Variants in SYK observed in about 807,000 individuals in gnomAD.
The protein encoded by SYK is spleen associated tyrosine kinase.
SYK carries 16 observed loss-of-function variants against 77.8 expected under a neutral mutation model. That is an observed-to-expected ratio of 0.21 (90% CI 0.14 to 0.31). The LOEUF is 0.31. Ranked by LOEUF, SYK falls within the 10% of genes least tolerant of loss-of-function variation. The pLI, the probability that SYK is intolerant of heterozygous loss-of-function variation, is 1.00. For missense variants in SYK, 529 were observed against 814.4 expected (o/e 0.65, Z 4.26); for synonymous variants, 312 against 308.7 (o/e 1.01, Z -0.11).
chr9:90,873,217 C>T (rs867608678), intron 7 of SYK, among the ~76,000 whole-genome samples: 1 of 151,974 alleles, frequency 6.6e-6, no homozygotes, highest in Non-Finnish European at 1.5e-5. Flanking sequence ...GTGACTGTCA[C>T]GTTAAGCTTA....
In SYK at chr9:90,877,694, G is replaced by A; in HGVS notation, c.1305G>A (p.Met435Ile). 1 of 1,614,240 alleles carries A rather than the reference G, an allele frequency of 6.2e-7. No individual in the cohort carries two copies. Residue 435 changes from methionine to isoleucine, a missense_variant, in exon 10 of 14, where the codon ATG (methionine) becomes ATA (isoleucine). By Grantham distance (10) the Met-to-Ile change is conservative. This residue lies in a region of SYK where 208 missense variants were observed against 381.3 expected (regional missense o/e 0.55). Coordinates refer to ENST00000375754, the MANE Select transcript of SYK (RefSeq NM_003177.7). ...TGGACAACCCGTACATCGTGCGGAT[G>A]ATCGGGATATGCGAGGCCGAGTCCT... Reference protein sequence around the residue: ...QQLDNPYIVRMIGICEAESWM... With the variant: ...QQLDNPYIVRIIGICEAESWM...
At chr9:90,829,303 A>G (rs1472565373) in intron 1 of SYK, among the ~76,000 whole-genome samples, 2 of 147,296 alleles carry the variant, frequency 1.4e-5, no homozygotes, top group East Asian at 2.0e-4. Context: ...AAAAAAAAAA[A>G]TCACCTAGGA....
In SYK at chr9:90,898,168, A is replaced by G. The variant is rs1343254787; in HGVS notation, c.*2568A>G. The G allele has an allele frequency of 4.3e-6, 1 of 230,552 alleles. No homozygotes were observed. The highest frequency in any genetic ancestry group is 2.2e-5 in the African/African-American group (1 of 45,200). 14.3% of individuals were successfully genotyped at this position (230,552 alleles called of 1,614,324 possible). A position where few individuals can be genotyped will look rare whatever the true frequency, so the allele number is the denominator to read the frequency against. On this transcript the variant is annotated 3_prime_UTR_variant, in exon 14 of 14. Transcript: ENST00000375754. ...ATCAGGGGCAGGCTGCCCTGGTGGC[A>G]TCACACTGGCTAGTGAGGCCGTGAA...
intron 1 of SYK, among the ~76,000 whole-genome samples, chr9:90,842,978 T>G (rs1826433128): frequency 6.6e-6 from 1 of 152,268 alleles, no homozygotes; most frequent in Middle Eastern, 3.4e-3. Context: ...ATGTTAAATA[T>G]GCATTGGCCG....
rs1825219427 is a variant in SYK at position 90,814,533 on chromosome 9, A to G, written c.-42+12640A>G. Among the ~76,000 whole-genome samples, 5 of 152,176 alleles carry G rather than the reference A, an allele frequency of 3.3e-5. No homozygotes were observed. The South Asian group carries it at 1.0e-3, about 32-fold the overall frequency. On this transcript the variant is annotated intron_variant, in intron 1 of 13. Coordinates refer to ENST00000375754, the MANE Select transcript of SYK (RefSeq NM_003177.7). ...GCTGTAGCAAGGTCTGCCAGACACC[A>G]AGCTGCTCTCAGCCCATCCCCTGAG...
At chr9:90,886,195 G>C (rs1234291753) in intron 11 of SYK, among the ~76,000 whole-genome samples, 1 of 152,098 alleles carries the variant, frequency 6.6e-6, no homozygotes, top group Non-Finnish European at 1.5e-5. Flanking sequence ...ATGGCCAACA[G>C]GTATATGAAA....
chr9:90,810,084 G>A (rs1249306533), intron 1 of SYK, among the ~76,000 whole-genome samples: 1 of 152,136 alleles, frequency 6.6e-6, no homozygotes, highest in South Asian at 2.1e-4. Context: ...GAAGACTCTG[G>A]AAGCTGTGTC....
intron 1 of SYK, among the ~76,000 whole-genome samples, chr9:90,806,409 C>CT (rs1824838494): frequency 7.2e-6 from 1 of 137,982 alleles, no homozygotes; most frequent in African/African-American, 2.7e-5. Flanking sequence ...TTTTCTTTTT[C>CT]TTTTTTGTAG....
Position 90,844,210 on chromosome 9 carries a change from G to A in SYK, c.312G>A (p.Lys104=). The part of the protein sequence containing the change: ...QESDGLVCLL[K]KPFNRPQGVQ... Reference sequence around the variant, plus strand: ...CTGATGGCCTGGTCTGCCTCCTCAAGAAGCCCTTCAACCGGCCCCAAGGGG... The same window carrying A: ...CTGATGGCCTGGTCTGCCTCCTCAAAAAGCCCTTCAACCGGCCCCAAGGGG... Residue 104 remains lysine, a synonymous_variant, in exon 2 of 14, where the codon AAG becomes AAA. Coordinates refer to ENST00000375754, the MANE Select transcript of SYK (RefSeq NM_003177.7). The A allele has an allele frequency of 6.2e-7, 1 of 1,614,232 alleles. No individual in the cohort carries two copies. The highest frequency in any genetic ancestry group is 1.6e-4 in the Middle Eastern group (1 of 6,062).
chr9:90,850,111 A>G (rs1320368232), intron 3 of SYK, among the ~76,000 whole-genome samples: 1 of 152,226 alleles, frequency 6.6e-6, no homozygotes, highest in Non-Finnish European at 1.5e-5. Context: ...TTCAGTCTGC[A>G]GTAGGTGTGT....
At chr9:90,816,472 C>A (rs1024521398) in intron 1 of SYK, among the ~76,000 whole-genome samples, 1 of 152,172 alleles carries the variant, frequency 6.6e-6, no homozygotes, top group Non-Finnish European at 1.5e-5. Flanking sequence ...ACTCTTCTGT[C>A]TTCTGGCTCG....
rs770788125 is a variant in SYK, at chr9:90,874,643, A to G, written c.1004-29A>G. 3.1e-6 allele frequency: 5 copies of G among 1,595,658 alleles called. No individual in the cohort carries two copies. The East Asian group carries it at 9.0e-5, about 29-fold the overall frequency. ...GAATCCTGGTGTGGGGTCCAGCCCC[A>G]GGTCGTATGTTTCTTGACTGCATTG... On this transcript the variant is annotated intron_variant, in intron 8 of 13. Transcript: ENST00000375754.
intron 7 of SYK, 88 bp downstream of exon 7, chr9:90,867,287 G>C: frequency 7.5e-7 from 1 of 1,331,796 alleles, no homozygotes; most frequent in South Asian, 1.2e-5. Flanking sequence ...CCCTGTGTGT[G>C]CGCTGCCCCC....
chr9:90,883,255 C>T (rs560889016), intron 11 of SYK, among the ~76,000 whole-genome samples: 1 of 152,238 alleles, frequency 6.6e-6, no homozygotes, highest in African/African-American at 2.4e-5. Context: ...CCTATAGCTG[C>T]CTGCCTACAC....
In SYK at chr9:90,845,464, C is replaced by G; in HGVS notation, c.448C>G (p.Gln150Glu). The change falls in exon 3 of 14, where the codon CAG becomes GAG. Residue 150 changes from glutamine to glutamate, a missense_variant. By Grantham distance (29) the Gln-to-Glu change is conservative. Transcript: ENST00000375754. ...GGCTCTGGAGCAGGCCATCATCAGTCAGAAGCCTCAGCTGGAGAAGCTGAT... is the reference window on the plus strand; with the variant it reads ...GGCTCTGGAGCAGGCCATCATCAGTGAGAAGCCTCAGCTGGAGAAGCTGAT... ...GQALEQAIIS[Q>E]KPQLEKLIAT... The G allele has an allele frequency of 6.2e-7, 1 of 1,614,148 alleles. No homozygotes were observed. The highest frequency in any genetic ancestry group is 8.5e-7 in the Non-Finnish European group (1 of 1,180,020).
At chr9:90,877,313 G>T (rs993163775) in intron 9 of SYK, among the ~76,000 whole-genome samples, 2 of 152,160 alleles carry the variant, frequency 1.3e-5, no homozygotes, top group Non-Finnish European at 2.9e-5. Context: ...AAAGTATGGG[G>T]ATTGTCAGCA....
At chr9:90,884,163 A>ACG (rs1491053129) in intron 11 of SYK, among the ~76,000 whole-genome samples, 5 of 31,906 alleles carry the variant, frequency 1.6e-4, no homozygotes, top group African/African-American at 1.2e-3. Flanking sequence ...GTATATATAC[A>ACG]CACATACACA....
chr9:90,849,448 C>T (rs1350465506), intron 3 of SYK, among the ~76,000 whole-genome samples: 1 of 152,140 alleles, frequency 6.6e-6, no homozygotes, highest in African/African-American at 2.4e-5. Context: ...TTCTCCATCT[C>T]CCAGCTCGTT....
chr9:90,854,769 G>A (rs1179052463), intron 3 of SYK, among the ~76,000 whole-genome samples: 1 of 151,818 alleles, frequency 6.6e-6, no homozygotes, highest in Non-Finnish European at 1.5e-5. Flanking sequence ...GTTCTTATAT[G>A]CCCTGCAGCT....
Sources: allele counts gnomAD v4.1 joint callset (sites outside exome capture counted in the v4.1 genomes callset), GRCh38; gene constraint gnomAD v4.1.1; regional missense constraint gnomAD v4.1.1; transcripts MANE v1.5; gene names NCBI Gene and HGNC (gene_info 2026-07-23, HGNC 2026-07-21).